The following CACTIN variants were observed in gnomAD, a reference collection of about 807,000 sequenced individuals.
The protein encoded by CACTIN is cactin, spliceosome C complex subunit, also known as splicing factor Cactin.
Under a neutral mutation model 84.9 loss-of-function variants are expected in CACTIN, and 20 were observed. The observed-to-expected ratio is 0.24, with a 90% CI of 0.17 to 0.34. CACTIN has a LOEUF of 0.34. Ranked by LOEUF, CACTIN falls within the 10% of genes least tolerant of loss-of-function variation. CACTIN has a pLI of 1.00. For synonymous variants in CACTIN, 549 were observed against 467.9 expected (o/e 1.17, Z -2.24); for missense variants, 897 against 1,117.2 (o/e 0.80, Z 2.81).
In CACTIN at chr19:3,623,676, G is replaced by A. The variant is rs531232281; in HGVS notation, c.642+12C>T. On this transcript the variant is annotated intron_variant, in intron 2 of 9. Coordinates refer to ENST00000429344, the MANE Select transcript of CACTIN (RefSeq NM_001080543.2). ...GCTACAGGGACAGAGGCCACCACCC[G>A]GCGGGGCCCACCTTATTCCAGATGA... is the stretch of plus-strand genomic sequence containing the variant. 16 of 1,585,778 alleles carry A rather than the reference G, an allele frequency of 1.0e-5. No individual in the cohort carries two copies. Among genetic ancestry groups the A allele is most frequent in the East Asian group, 2.3e-5 (1 of 43,586 alleles).
rs770188736 is a variant in CACTIN, at chr19:3,623,681, G to A, written c.642+7C>T. ...AGGGACAGAGGCCACCACCCGGCGG[G>A]GCCCACCTTATTCCAGATGAAGGTG... is the stretch of plus-strand genomic sequence containing the variant. On this transcript the variant is annotated splice_region_variant and intron_variant, in intron 2 of 9. Transcript: ENST00000429344. 8.8e-6 allele frequency: 14 copies of A among 1,593,946 alleles called. No homozygotes were observed. The highest frequency in any genetic ancestry group is 5.2e-5 in the Admixed American group (3 of 58,196).
At chr19:3,614,364 G>A (rs1418787467) in intron 7 of CACTIN, 33 bp downstream of exon 7, 3 of 1,550,038 alleles carry the variant, frequency 1.9e-6, no homozygotes, top group African/African-American at 1.4e-5. Context: ...CACCCGGACG[G>A]CACCAACCCT....
chr19:3,623,248 G>GATAGCGGCAGAAGCTTGCTTATGC (rs1470303646), intron 2 of CACTIN, among the ~76,000 whole-genome samples: 1 of 151,296 alleles, frequency 6.6e-6, no homozygotes, highest in Admixed American at 6.6e-5. Flanking sequence ...AAAGAAAGCT[G>GATAGCGGCAGAAGCTTGCTTATGC]GCCGGGCGTG....
intron 1 of CACTIN, among the ~76,000 whole-genome samples, chr19:3,625,263 C>T (rs1175015144): frequency 6.6e-6 from 1 of 152,070 alleles, no homozygotes; most frequent in East Asian, 1.9e-4. Context: ...AAGCTCATGT[C>T]AAAAAAATCT....
Position 3,623,875 on chromosome 19 carries a change from T to C in CACTIN, c.455A>G (p.Gln152Arg). The C allele has an allele frequency of 2.5e-6, 4 of 1,609,082 alleles. No individual in the cohort carries two copies. Among genetic ancestry groups the C allele is most frequent in the Non-Finnish European group, 3.4e-6 (4 of 1,179,830 alleles). Residue 152 changes from glutamine (Q) to arginine (R), a missense_variant, in exon 2 of 10, where the codon CAG becomes CGG. By Grantham distance (43) the Gln-to-Arg change is conservative. Transcript: ENST00000429344. ...ERLRLREERK[Q>R]QEELMKAFET... The stretch of plus-strand genomic sequence containing the variant: ...GAAGGCCTTCATCAGCTCCTCCTGC[T>C]GCTTCCGCTCCTCCCGCAGCCGCAG...
At chr19:3,624,250 C>T in intron 1 of CACTIN, 88 bp from the exon 2 acceptor site, 1 of 1,235,652 alleles carries the variant, frequency 8.1e-7, no homozygotes, top group Non-Finnish European at 1.1e-6. Context: ...GGGGAGCAGG[C>T]ACTGTTCTAG....
chr19:3,618,762 G>T, intron 6 of CACTIN, 113 bp downstream of exon 6: 1 of 851,920 alleles, frequency 1.2e-6, no homozygotes, highest in Non-Finnish European at 1.8e-6. Context: ...GGCCCCAGTT[G>T]GGGAAACCGA....
At chr19:3,619,269 C>G in intron 4 of CACTIN, 27 bp from the exon 5 acceptor site, 1 of 1,607,094 alleles carries the variant, frequency 6.2e-7, no homozygotes. Flanking sequence ...AAGGTGGCAT[C>G]AGAGCCTGGG....
chr19:3,613,426 G>A (rs751342884), intron 8 of CACTIN, 38 bp downstream of exon 8: 71 of 1,549,242 alleles, frequency 4.6e-5, no homozygotes, highest in Non-Finnish European at 6.0e-5. Flanking sequence ...CCTGCTCCGC[G>A]TCTGCATCGG....
In CACTIN at chr19:3,620,167, C is replaced by T; in HGVS notation, c.844G>A (p.Glu282Lys). The T allele has an allele frequency of 1.2e-6, 2 of 1,611,992 alleles. No homozygotes were observed. The highest frequency in any genetic ancestry group is 1.7e-6 in the Non-Finnish European group (2 of 1,179,732). ...KEAEHFKTWEEQEDNFHLQQA... is the reference protein window; with the variant it reads ...KEAEHFKTWEKQEDNFHLQQA... ...TGGAGGTGGAAGTTGTCCTCCTGCTCCTCCCATGTCTTGAAGTGCTCTGCC... is the reference window on the plus strand; with the variant it reads ...TGGAGGTGGAAGTTGTCCTCCTGCTTCTCCCATGTCTTGAAGTGCTCTGCC... The change falls in exon 4 of 10, where the codon GAG becomes AAG. Residue 282 changes from glutamate (E) to lysine (K), a missense_variant. Glu to Lys is a moderately conservative substitution (Grantham distance 56, BLOSUM62 1). Around this residue, in one of 8 missense-constraint regions of CACTIN, gnomAD observed 304 missense variants for 444.3 expected, o/e 0.68. Transcript: ENST00000429344.
chr19:3,613,811 A>G (rs2033038978), intron 7 of CACTIN: 1 of 592,878 alleles, frequency 1.7e-6, no homozygotes, highest in Non-Finnish European at 2.9e-6. Flanking sequence ...CATGGCAGGG[A>G]GAGGTGGGTC....
At position 3,610,757 on chromosome 19, in the gene CACTIN, G is replaced by A. The variant is rs1432758292; in HGVS notation, c.*1166C>T. The stretch of plus-strand genomic sequence containing the variant: ...TACAAGTCTTTTTAGAGAAACAAAC[G>A]GAACTATTTCCAGATGAGGCGGGGT... On this transcript the variant is annotated 3_prime_UTR_variant, in exon 10 of 10. Coordinates refer to ENST00000429344, the MANE Select transcript of CACTIN (RefSeq NM_001080543.2). The A allele has an allele frequency of 2.0e-5, 9 of 456,960 alleles. No individual in the cohort carries two copies. The highest frequency in any genetic ancestry group is 6.0e-5 in the African/African-American group (3 of 50,080). The allele number at this position is 456,960 out of a possible 1,614,324, so 28.3% of individuals were successfully genotyped here.
Position 3,611,885 on chromosome 19 carries a change from T to G in CACTIN, c.*38A>C. On this transcript the variant is annotated 3_prime_UTR_variant, in exon 10 of 10. Coordinates refer to ENST00000429344, the MANE Select transcript of CACTIN (RefSeq NM_001080543.2). ...CAGCTTCACCGAAGCCCCTTTACTG[T>G]GCCCCCGAGGACACCTGCCTGCCGT... is the stretch of plus-strand genomic sequence containing the variant. 6.2e-7 allele frequency: 1 copy of G among 1,604,158 alleles called. No individual in the cohort carries two copies. Among genetic ancestry groups the G allele is most frequent in the South Asian group, 1.1e-5 (1 of 89,980 alleles).
chr19:3,620,823 T>C, intron 2 of CACTIN, 21 bp from the exon 3 acceptor site: 1 of 1,595,564 alleles, frequency 6.3e-7, no homozygotes, highest in Non-Finnish European at 8.6e-7. Context: ...CAGGCACACC[T>C]GCCCTGAGCA....
rs747361264 is a variant in CACTIN at position 3,612,142 on chromosome 19, G to A, written c.2058C>T (p.Ile686=). 3.7e-6 allele frequency: 6 copies of A among 1,613,646 alleles called. No individual in the cohort carries two copies. Among genetic ancestry groups the A allele is most frequent in the Non-Finnish European group, 4.2e-6 (5 of 1,179,912 alleles). Residue 686 remains isoleucine (I), a synonymous_variant, in exon 10 of 10, where the codon ATC becomes ATT. Transcript: ENST00000429344. ...YKFNIFYPDL[I]DKRSTPEYFL... Reference sequence around the variant, plus strand: ...AGTACTCGGGCGTGGAGCGCTTGTCGATGAGGTCGGGGTAGAAGATGTTGA... The same window carrying A: ...AGTACTCGGGCGTGGAGCGCTTGTCAATGAGGTCGGGGTAGAAGATGTTGA...
intron 1 of CACTIN, among the ~76,000 whole-genome samples, chr19:3,625,465 C>G (rs190088386): frequency 6.6e-6 from 1 of 152,210 alleles, no homozygotes; most frequent in Admixed American, 6.5e-5. Flanking sequence ...CGCGGTGGCT[C>G]ACGCCTGTAA....
Position 3,614,496 on chromosome 19 carries a change from T to C in CACTIN, c.1256A>G (p.Gln419Arg). 2 of 1,605,762 alleles carry C rather than the reference T, an allele frequency of 1.2e-6. No homozygotes were observed. Among genetic ancestry groups the C allele is most frequent in the Non-Finnish European group, 1.7e-6 (2 of 1,176,216 alleles). The change falls in exon 7 of 10, where the codon CAG (glutamine) becomes CGG (arginine). Residue 419 changes from glutamine (Q) to arginine (R), a missense_variant. Transcript: ENST00000429344. ...KTYNQLQVIFQGIEGKIRAGG... is the reference protein window; with the variant it reads ...KTYNQLQVIFRGIEGKIRAGG... ...AGCGCGGATTTTGCCCTCGATGCCC[T>C]GGAAGATGACCTGCAGCTGGTTGTA...
In CACTIN at chr19:3,611,755, CT is replaced by C. The variant is rs770855839; in HGVS notation, c.*167del. 3.3e-6 allele frequency: 3 copies of C among 905,734 alleles called. No homozygotes were observed. The highest frequency in any genetic ancestry group is 5.2e-6 in the Non-Finnish European group (3 of 575,534). 56.1% of individuals were successfully genotyped at this position (905,734 alleles called of 1,614,324 possible). On this transcript the variant is annotated 3_prime_UTR_variant, in exon 10 of 10. Transcript: ENST00000429344. ...CATGGCAGGCTCAATGGTGACCCCC[CT>C]TTTATATAGGAGGAAACTGAGGCCT... is the stretch of plus-strand genomic sequence containing the variant.
intron 6 of CACTIN, 64 bp from the exon 7 acceptor site, chr19:3,614,653 A>G (rs538421779): frequency 7.3e-7 from 1 of 1,377,386 alleles, no homozygotes; most frequent in South Asian, 1.2e-5. Flanking sequence ...CCACCCCATC[A>G]GGGCCTCCTC....
Sources: gnomAD v4.1 joint callset for allele counts (sites outside exome capture counted in the v4.1 genomes callset) on GRCh38, gnomAD v4.1.1 for gene constraint, gnomAD v4.1.1 regional missense constraint, MANE v1.5 for transcripts, NCBI Gene and HGNC (gene_info 2026-07-23, HGNC 2026-07-21) for gene names.